The following ANO3 variants were observed in gnomAD, a reference collection of about 807,000 sequenced individuals.
The protein encoded by ANO3 is anoctamin-3.
A neutral mutation model predicts 144.8 loss-of-function variants in ANO3; 99 were observed. The ratio of observed to expected loss-of-function variants is 0.68; its 90% CI spans 0.58 to 0.81. ANO3 has a LOEUF of 0.81. ANO3 is among the 30% of genes least tolerant of loss of function. ANO3 has a pLI of 0.00. For synonymous variants in ANO3, 414 were observed against 392.6 expected, an observed-to-expected ratio of 1.05 and a Z score of -0.64; for missense variants, 905 against 1,202.2, an observed-to-expected ratio of 0.75 and a Z score of 3.66.
intron 1 of ANO3, among the ~76,000 whole-genome samples, chr11:26,374,458 T>A (rs1215335719): frequency 2.0e-5 from 3 of 152,232 alleles, no homozygotes; most frequent in Non-Finnish European, 4.4e-5. Context: ...ATCATTTTTT[T>A]AATATTGGTA....
intron 14 of ANO3, chr11:26,561,086 A>C: frequency 6.2e-7 from 1 of 1,611,510 alleles, no homozygotes; most frequent in Non-Finnish European, 8.5e-7. Flanking sequence ...TACGAAGTGG[A>C]GGTATGTCAT....
intron 4 of ANO3, among the ~76,000 whole-genome samples, chr11:26,476,499 A>T (rs887511288): frequency 2.6e-5 from 4 of 152,092 alleles, no homozygotes; most frequent in African/African-American, 9.7e-5. Flanking sequence ...GAAACTGAGC[A>T]CAAGGATGGC....
intron 24 of ANO3, among the ~76,000 whole-genome samples, chr11:26,654,793 A>G (rs1853634636): frequency 6.6e-6 from 1 of 152,152 alleles, no homozygotes; most frequent in Non-Finnish European, 1.5e-5. Flanking sequence ...TGTTGAATAG[A>G]GTTTATTATG....
At chr11:26,580,838 T>TA (rs1204067010) in intron 14 of ANO3, among the ~76,000 whole-genome samples, 3 of 152,064 alleles carry the variant, frequency 2.0e-5, no homozygotes, top group East Asian at 1.9e-4. Context: ...AATGTTTATT[T>TA]AAAAAAAATG....
intron 6 of ANO3, among the ~76,000 whole-genome samples, chr11:26,519,605 G>A (rs1300935057): frequency 6.6e-6 from 1 of 152,002 alleles, no homozygotes; most frequent in Admixed American, 6.6e-5. Flanking sequence ...CCCTCTTTTG[G>A]GTTGTATCCT....
rs778129505 is a variant in ANO3 at position 26,635,024 on chromosome 11, A to G, written c.1997A>G (p.His666Arg). ...IAFFLGRFVG[H>R]PGKYNKLFDR... ...ATGTCTTCTTACAGATTCGTAGGCC[A>G]CCCAGGAAAATACAATAAACTTTTT... is the stretch of plus-strand genomic sequence containing the variant. Residue 666 changes from histidine (H) to arginine (R), a missense_variant, in exon 20 of 27, where the codon CAC (histidine) becomes CGC (arginine). Physicochemically the swap from His to Arg is conservative, Grantham distance 29. Around this residue, in one of 4 missense-constraint regions of ANO3, gnomAD observed 597 missense variants for 865.1 expected, o/e 0.69. Coordinates refer to ENST00000256737, the MANE Select transcript of ANO3 (RefSeq NM_031418.4). 1.2e-6 allele frequency: 2 copies of G among 1,613,582 alleles called. No individual in the cohort carries two copies. Among genetic ancestry groups the G allele is most frequent in the Non-Finnish European group, 1.7e-6 (2 of 1,179,576 alleles).
intron 1 of ANO3, among the ~76,000 whole-genome samples, chr11:26,402,176 G>A (rs1205868276): frequency 6.6e-6 from 1 of 151,910 alleles, no homozygotes; most frequent in Non-Finnish European, 1.5e-5. Flanking sequence ...TGGGATTGCT[G>A]GGTCCAATGG....
At chr11:26,343,320 A>G (rs1480944268) in intron 1 of ANO3, among the ~76,000 whole-genome samples, 1 of 152,222 alleles carries the variant, frequency 6.6e-6, no homozygotes, top group African/African-American at 2.4e-5. Flanking sequence ...TGTTGATTCC[A>G]TATCTTGGCT....
chr11:26,301,863 G>A (rs11029506), intron 1 of ANO3, among the ~76,000 whole-genome samples: 2,967 of 152,304 alleles, frequency 0.019, 62 homozygotes, highest in East Asian at 0.12. Context: ...GGCTCAAAGT[G>A]AGAGTGAGAT....
At chr11:26,272,569 C>T (rs1853465344) in intron 1 of ANO3, among the ~76,000 whole-genome samples, 1 of 152,128 alleles carries the variant, frequency 6.6e-6, no homozygotes, top group African/African-American at 2.4e-5. Context: ...GGTGAACCAT[C>T]TGAAGTGACA....
rs561160517 is a variant in ANO3 at position 26,232,332 on chromosome 11, G to C, written c.154+43002G>C. Among the ~76,000 whole-genome samples the C allele has an allele frequency of 2.4e-4, 37 of 152,142 alleles. 1 individual carries two copies. In the East Asian group the frequency reaches 6.8e-3, roughly 28 times the overall value. ...GCATCTATCAGTGGCCATTGTATGG[G>C]GTGAGATTGACTGATAATGAAGCTA... On this transcript the variant is annotated intron_variant, in intron 1 of 27. Coordinates refer to the ANO3 transcript ENST00000672621.
chr11:26,610,446 A>G (rs1852067448), intron 17 of ANO3, among the ~76,000 whole-genome samples: 1 of 151,786 alleles, frequency 6.6e-6, no homozygotes, highest in South Asian at 2.1e-4. Context: ...TTCTGCACAT[A>G]AACCCCTTGT....
At chr11:26,359,896 T>TGTG (rs1411830307) in intron 1 of ANO3, among the ~76,000 whole-genome samples, 1 of 151,890 alleles carries the variant, frequency 6.6e-6, no homozygotes, top group Non-Finnish European at 1.5e-5. Flanking sequence ...TGTGTGTGTG[T>TGTG]GTGTAAATTT....
At chr11:26,409,032 G>A (rs1249329864) in intron 1 of ANO3, among the ~76,000 whole-genome samples, 4 of 151,448 alleles carry the variant, frequency 2.6e-5, no homozygotes, top group South Asian at 4.2e-4. Flanking sequence ...GCTAAATGAC[G>A]AGTTAATGGG....
chr11:26,266,959 G>A lies in ANO3; in HGVS notation c.155-42686G>A, dbSNP rs185340141. On this transcript the variant is annotated intron_variant, in intron 1 of 27. Transcript: ENST00000672621. ...AAAAAAAAATTAGCCAGGCGTGGTG[G>A]TGGGCACCTGTAGTCCCAGCTACTC... 3.5e-3 allele frequency among the ~76,000 whole-genome samples: 532 copies of A among 151,506 alleles called. 3 individuals carry two copies. The highest frequency in any genetic ancestry group is 6.2e-3 in the Non-Finnish European group (418 of 67,818).
intron 1 of ANO3, among the ~76,000 whole-genome samples, chr11:26,372,000 A>G (rs778523122): frequency 6.6e-6 from 1 of 152,226 alleles, no homozygotes; most frequent in Non-Finnish European, 1.5e-5. Context: ...GTGTTTTGAA[A>G]TGTAGGAACA....
At chr11:26,658,223 AT>A (rs1853758016) in intron 26 of ANO3, among the ~76,000 whole-genome samples, 1 of 152,198 alleles carries the variant, frequency 6.6e-6, no homozygotes, top group South Asian at 2.1e-4. Flanking sequence ...ATTGTATTAA[AT>A]ATTTTCCCCT....
intron 1 of ANO3, among the ~76,000 whole-genome samples, chr11:26,397,682 T>C (rs1439017600): frequency 6.6e-6 from 1 of 152,096 alleles, no homozygotes; most frequent in East Asian, 1.9e-4. Context: ...CAAACGTTTA[T>C]CATTTCTTTG....
chr11:26,652,129 C>A (rs1208167580), intron 24 of ANO3, among the ~76,000 whole-genome samples: 1 of 152,208 alleles, frequency 6.6e-6, no homozygotes, highest in Non-Finnish European at 1.5e-5. Context: ...CTCTGCACTG[C>A]ACTCATGCAG....
Sources: gnomAD v4.1 joint callset for allele counts (sites outside exome capture counted in the v4.1 genomes callset) on GRCh38, gnomAD v4.1.1 for gene constraint, gnomAD v4.1.1 regional missense constraint, MANE v1.5 for transcripts, NCBI Gene and HGNC (gene_info 2026-07-23, HGNC 2026-07-21) for gene names.